The following AP2B1 variants were observed in gnomAD, a reference collection of about 807,000 sequenced individuals.
AP2B1 encodes the protein AP-2 complex subunit beta.
AP2B1 carries 23 observed loss-of-function variants against 102.0 expected under a neutral mutation model. The observed-to-expected ratio is 0.23, with a 90% CI of 0.16 to 0.32. The LOEUF (loss-of-function observed/expected upper bound fraction) is 0.32, where lower values mean the gene tolerates loss of function less well. Ranked by LOEUF, AP2B1 falls within the 10% of genes least tolerant of loss-of-function variation. The pLI, the probability that AP2B1 is intolerant of heterozygous loss-of-function variation, is 1.00. For synonymous variants in AP2B1, 381 were observed against 421.2 expected, an observed-to-expected ratio of 0.90 and a Z score of 1.17; for missense variants, 541 against 1,157.4, an observed-to-expected ratio of 0.47 and a Z score of 7.73.
intron 7 of AP2B1, 89 bp downstream of exon 7, chr17:35,626,931 CT>C: frequency 8.1e-7 from 1 of 1,232,164 alleles, no homozygotes; most frequent in Non-Finnish European, 1.2e-6. Flanking sequence ...GTGTTAATCT[CT>C]TTTTAATATA....
intron 1 of AP2B1, 78 bp from the exon 2 acceptor site, chr17:35,593,930 T>C: frequency 3.0e-6 from 2 of 671,296 alleles, no homozygotes; most frequent in Non-Finnish European, 4.7e-6. Context: ...TAAAATTAAT[T>C]GGATGTTCTT....
At chr17:35,662,287 T>C (rs1387878620) in intron 14 of AP2B1, among the ~76,000 whole-genome samples, 1 of 151,950 alleles carries the variant, frequency 6.6e-6, no homozygotes, top group East Asian at 2.0e-4. Context: ...TATTTTTTTA[T>C]CGCATTTCAG....
At chr17:35,595,293 C>T (rs183491461) in intron 2 of AP2B1, among the ~76,000 whole-genome samples, 40 of 152,258 alleles carry the variant, frequency 2.6e-4, no homozygotes, top group Non-Finnish European at 5.0e-4. Flanking sequence ...CCTGTAATCC[C>T]AGCACATTGG....
At chr17:35,687,482 T>C (rs2075960152) in intron 18 of AP2B1, among the ~76,000 whole-genome samples, 1 of 152,160 alleles carries the variant, frequency 6.6e-6, no homozygotes, top group African/African-American at 2.4e-5. Context: ...CTACATACTT[T>C]TCATGTTCCC....
intron 11 of AP2B1, among the ~76,000 whole-genome samples, chr17:35,640,242 T>TTTA (rs2074738383): frequency 1.3e-3 from 21 of 16,134 alleles, no homozygotes; most frequent in African/African-American, 4.0e-3. Context: ...TTTTTTTTTT[T>TTTA]TTTTTTTTTT....
intron 4 of AP2B1, among the ~76,000 whole-genome samples, chr17:35,607,046 C>T (rs927411575): frequency 2.1e-4 from 32 of 152,086 alleles, no homozygotes; most frequent in African/African-American, 7.0e-4. Context: ...GCTGGGATTA[C>T]AGGCATGCAC....
chr17:35,688,308 A>G (rs993740655), intron 18 of AP2B1, among the ~76,000 whole-genome samples: 1 of 152,232 alleles, frequency 6.6e-6, no homozygotes, highest in Non-Finnish European at 1.5e-5. Context: ...TCTTCATACT[A>G]GGTTAGGAAT....
At chr17:35,634,260 G>C (rs1436018948) in intron 9 of AP2B1, among the ~76,000 whole-genome samples, 2 of 152,196 alleles carry the variant, frequency 1.3e-5, no homozygotes, top group Non-Finnish European at 2.9e-5. Flanking sequence ...CCCACAGTCT[G>C]GATTTGGCTG....
chr17:35,693,326 A>T lies in AP2B1; in HGVS notation c.2454+10502A>T, dbSNP rs980739965. ...CGTTAGCCACCACACCTAGTTGTTT[A>T]TATGAAATAAAATGTCTTCCTTTAG... On this transcript the variant is annotated intron_variant, in intron 18 of 21. Coordinates refer to ENST00000610402, the MANE Select transcript of AP2B1 (RefSeq NM_001030006.2). 2.0e-5 allele frequency among the ~76,000 whole-genome samples: 3 copies of T among 152,174 alleles called. 1 individual carries two copies. The highest frequency in any genetic ancestry group is 7.2e-5 in the African/African-American group (3 of 41,444).
chr17:35,703,264 C>CAAAA (rs57503007), intron 18 of AP2B1, among the ~76,000 whole-genome samples: 8 of 101,898 alleles, frequency 7.9e-5, no homozygotes, highest in African/African-American at 3.2e-4. Context: ...GACTCCATCT[C>CAAAA]AAAAAAAAAA....
intron 2 of AP2B1, among the ~76,000 whole-genome samples, chr17:35,595,496 G>A (rs1452536061): frequency 1.3e-5 from 2 of 152,042 alleles, no homozygotes; most frequent in African/African-American, 2.4e-5. Context: ...GCAGTGAGTC[G>A]TGATTGTGCC....
chr17:35,632,019 C>T (rs937195006), intron 9 of AP2B1, among the ~76,000 whole-genome samples: 1 of 151,510 alleles, frequency 6.6e-6, no homozygotes, highest in Non-Finnish European at 1.5e-5. Flanking sequence ...CAGCTTTTCT[C>T]AGTCAGTGTT....
intron 5 of AP2B1, among the ~76,000 whole-genome samples, chr17:35,622,858 G>T (rs1330033509): frequency 6.6e-6 from 1 of 151,952 alleles, no homozygotes; most frequent in Non-Finnish European, 1.5e-5. Context: ...TAGAGACAGG[G>T]TTTCACCATG....
At chr17:35,599,769 G>T (rs2073415886) in intron 3 of AP2B1, among the ~76,000 whole-genome samples, 1 of 152,050 alleles carries the variant, frequency 6.6e-6, no homozygotes, top group African/African-American at 2.4e-5. Flanking sequence ...AATTAGCCGG[G>T]CATGGTGGCA....
rs367881522 is a variant in AP2B1 at position 35,671,734 on chromosome 17, CT to C, written c.2032-10del. The C allele has an allele frequency of 9.2e-4, 1,254 of 1,368,078 alleles. No homozygotes were observed. The highest frequency in any genetic ancestry group is 1.8e-3 in the Middle Eastern group (9 of 4,896). 84.7% of individuals were successfully genotyped at this position (1,368,078 alleles called of 1,614,324 possible). On this transcript the variant is annotated intron_variant, in intron 15 of 21. Coordinates refer to ENST00000610402, the MANE Select transcript of AP2B1 (RefSeq NM_001030006.2). ...CTGTTCTTCCCAATCTCCCCTCTCC[CT>C]TTTTTTTTTCTCCTGCAGGTGGGAC... is the stretch of plus-strand genomic sequence containing the variant.
At chr17:35,643,324 A>T (rs2074837376) in intron 12 of AP2B1, among the ~76,000 whole-genome samples, 1 of 152,240 alleles carries the variant, frequency 6.6e-6, no homozygotes, top group African/African-American at 2.4e-5. Context: ...CATTCTGTCA[A>T]AACAATTTCT....
intron 6 of AP2B1, among the ~76,000 whole-genome samples, chr17:35,626,301 G>A (rs920153969): frequency 2.6e-5 from 4 of 152,088 alleles, no homozygotes; most frequent in Non-Finnish European, 5.9e-5. Context: ...AATATGGGGA[G>A]ACAAAGAGGA....
intron 18 of AP2B1, among the ~76,000 whole-genome samples, chr17:35,691,634 G>A (rs913749797): frequency 1.3e-5 from 2 of 152,174 alleles, no homozygotes; most frequent in Non-Finnish European, 2.9e-5. Flanking sequence ...TTGAAGTGGT[G>A]GATCTTTCGG....
At chr17:35,611,781 T>C (rs1477883930) in intron 5 of AP2B1, among the ~76,000 whole-genome samples, 1 of 152,212 alleles carries the variant, frequency 6.6e-6, no homozygotes, top group Non-Finnish European at 1.5e-5. Flanking sequence ...TAGTCATCAA[T>C]ACATGCCAAT....
Sources: allele counts gnomAD v4.1 joint callset (sites outside exome capture counted in the v4.1 genomes callset), GRCh38; gene constraint gnomAD v4.1.1; transcripts MANE v1.5; gene names NCBI Gene and HGNC (gene_info 2026-07-23, HGNC 2026-07-21).